The following NCAM2 variants were observed in gnomAD, a reference collection of about 807,000 sequenced individuals.
NCAM2 encodes the protein N-CAM-2.
In NCAM2, 30 loss-of-function variants were observed where a neutral mutation model predicts 98.1. The ratio of observed to expected loss-of-function variants is 0.31; its 90% CI spans 0.23 to 0.41. The LOEUF (loss-of-function observed/expected upper bound fraction) is 0.41. NCAM2 is among the 10% of genes least tolerant of loss of function. The pLI, the probability that NCAM2 is intolerant of heterozygous loss-of-function variation, is 1.00. For missense variants in NCAM2, 867 were observed against 1,005.8 expected (o/e 0.86, Z 1.87); for synonymous variants, 368 against 342.4 (o/e 1.07, Z -0.83).
intron 9 of NCAM2, among the ~76,000 whole-genome samples, chr21:21,393,629 AC>A (rs2076430191): frequency 6.6e-6 from 1 of 152,182 alleles, no homozygotes; most frequent in South Asian, 2.1e-4. Flanking sequence ...TTCTGAAAAA[AC>A]AGGCATTATA....
chr21:21,077,531 T>A (rs559807294), intron 1 of NCAM2, among the ~76,000 whole-genome samples: 4 of 152,208 alleles, frequency 2.6e-5, no homozygotes, highest in Non-Finnish European at 5.9e-5. Context: ...AATGCCCATA[T>A]GTAACAAATT....
intron 1 of NCAM2, among the ~76,000 whole-genome samples, chr21:21,222,832 A>G (rs1360874654): frequency 1.3e-5 from 2 of 152,188 alleles, no homozygotes; most frequent in South Asian, 2.1e-4. Flanking sequence ...AAGAAGTCCT[A>G]CTGTGGATAA....
chr21:21,449,764 A>G (rs1980747087), intron 12 of NCAM2, among the ~76,000 whole-genome samples: 1 of 152,054 alleles, frequency 6.6e-6, no homozygotes, highest in South Asian at 2.1e-4. Context: ...TTATATCAGC[A>G]AGATTCTAAT....
At chr21:21,019,651 T>C (rs1009011830) in intron 1 of NCAM2, among the ~76,000 whole-genome samples, 1 of 152,226 alleles carries the variant, frequency 6.6e-6, no homozygotes, top group African/African-American at 2.4e-5. Context: ...TATTATTTAT[T>C]TTCCAAGCCT....
chr21:21,422,272 A>G (rs141927971), intron 11 of NCAM2, among the ~76,000 whole-genome samples: 3 of 152,210 alleles, frequency 2.0e-5, no homozygotes, highest in South Asian at 4.1e-4. Flanking sequence ...GTGTACACAC[A>G]TGGAAAAATA....
intron 1 of NCAM2, among the ~76,000 whole-genome samples, chr21:21,242,541 T>G (rs1172698559): frequency 1.3e-5 from 2 of 152,192 alleles, no homozygotes; most frequent in Non-Finnish European, 2.9e-5. Context: ...GTTCTCTACT[T>G]CTATGGGTTC....
chr21:21,104,495 A>G (rs1362168893), intron 1 of NCAM2, among the ~76,000 whole-genome samples: 1 of 152,210 alleles, frequency 6.6e-6, no homozygotes, highest in Admixed American at 6.5e-5. Context: ...GACAGTGAAC[A>G]ATGTAAATAT....
At chr21:21,156,301 G>C (rs568859905) in intron 1 of NCAM2, among the ~76,000 whole-genome samples, 1 of 152,120 alleles carries the variant, frequency 6.6e-6, no homozygotes, top group South Asian at 2.1e-4. Flanking sequence ...CTCCAAAGGA[G>C]TAAATTTATT....
At chr21:21,511,377 C>G (rs978998580) in intron 16 of NCAM2, among the ~76,000 whole-genome samples, 2 of 151,902 alleles carry the variant, frequency 1.3e-5, no homozygotes, top group East Asian at 1.9e-4. Context: ...TGAATGAAAA[C>G]ACACAATATT....
chr21:21,325,142 G>A (rs945592407), intron 6 of NCAM2, among the ~76,000 whole-genome samples: 2 of 152,092 alleles, frequency 1.3e-5, no homozygotes, highest in African/African-American at 2.4e-5. Flanking sequence ...AATTGGAGAC[G>A]ATGAACTTTA....
At chr21:21,027,916 G>T (rs955250205) in intron 1 of NCAM2, among the ~76,000 whole-genome samples, 1 of 151,502 alleles carries the variant, frequency 6.6e-6, no homozygotes, top group Non-Finnish European at 1.5e-5. Context: ...GAGTGCGGTG[G>T]CACGATCTCG....
Position 21,441,568 on chromosome 21 carries a change from T to C in NCAM2, c.1654+9287T>C, listed in dbSNP as rs990614126. ...CTAACAGATGGATTCAGATGATTTT[T>C]ATGCCTTATTTCGTAGGTTTAAAAG... On this transcript the variant is annotated intron_variant, in intron 12 of 17. Transcript: ENST00000400546. 2.0e-5 allele frequency among the ~76,000 whole-genome samples: 3 copies of C among 152,224 alleles called. No homozygotes were observed. In the South Asian group the frequency reaches 6.2e-4, roughly 31 times the overall value.
At chr21:21,216,706 G>C (rs916512260) in intron 1 of NCAM2, among the ~76,000 whole-genome samples, 3 of 152,296 alleles carry the variant, frequency 2.0e-5, no homozygotes, top group African/African-American at 7.2e-5. Flanking sequence ...TGGTGAATAA[G>C]GGGGATTTAA....
chr21:21,510,918 G>A (rs1047950299), intron 16 of NCAM2, among the ~76,000 whole-genome samples: 1 of 151,864 alleles, frequency 6.6e-6, no homozygotes, highest in African/African-American at 2.4e-5. Context: ...CTCCTTTCCT[G>A]TCCCTATTCA....
At position 21,091,206 on chromosome 21, in the gene NCAM2, G is replaced by T. The variant is rs1039343099; in HGVS notation, c.55+92588G>T. Among the ~76,000 whole-genome samples the T allele has an allele frequency of 2.6e-5, 4 of 152,162 alleles. No individual in the cohort carries two copies. The South Asian group carries it at 8.3e-4, about 32-fold the overall frequency. ...ACACTGCTCACTGAGGTTTTTGTTT[G>T]TTTTTATTAGTAGTACATAATTGAA... On this transcript the variant is annotated intron_variant, in intron 1 of 17. Coordinates refer to ENST00000400546, the MANE Select transcript of NCAM2 (RefSeq NM_004540.5).
intron 6 of NCAM2, among the ~76,000 whole-genome samples, chr21:21,334,494 GA>G (rs1278694915): frequency 1.3e-5 from 2 of 152,170 alleles, no homozygotes; most frequent in African/African-American, 2.4e-5. Context: ...TATTTATAGA[GA>G]TTTTTTTAAA....
intron 1 of NCAM2, among the ~76,000 whole-genome samples, chr21:21,031,538 T>C (rs1191760081): frequency 2.6e-5 from 4 of 152,196 alleles, no homozygotes; most frequent in Admixed American, 6.5e-5. Flanking sequence ...AATATACTAA[T>C]TGGCAATAAA....
chr21:21,159,388 C>G (rs1239199290), intron 1 of NCAM2, among the ~76,000 whole-genome samples: 1 of 152,112 alleles, frequency 6.6e-6, no homozygotes, highest in African/African-American at 2.4e-5. Flanking sequence ...CAATCTCATT[C>G]ACTCAAAACT....
chr21:21,457,805 G>A (rs1982378303), intron 12 of NCAM2, among the ~76,000 whole-genome samples: 1 of 152,076 alleles, frequency 6.6e-6, no homozygotes, highest in South Asian at 2.1e-4. Flanking sequence ...TATATTAAAG[G>A]GCTAGAGAAA....
Sources: gnomAD v4.1 joint callset for allele counts (sites outside exome capture counted in the v4.1 genomes callset) on GRCh38, gnomAD v4.1.1 for gene constraint, MANE v1.5 for transcripts, NCBI Gene and HGNC (gene_info 2026-07-23, HGNC 2026-07-21) for gene names.